ADGB: variants seen among roughly 807,000 people sequenced by gnomAD.
ADGB encodes calpain-7-like protein.
A neutral mutation model predicts 210.5 loss-of-function variants in ADGB; 172 were observed. The ratio of observed to expected loss-of-function variants is 0.82; its 90% CI spans 0.72 to 0.93. The LOEUF is 0.93. Ranked by LOEUF, ADGB falls within the 40% of genes least tolerant of loss-of-function variation. ADGB has a pLI of 0.00. For synonymous variants in ADGB, 658 were observed against 662.7 expected, an observed-to-expected ratio of 0.99 and a Z score of 0.11; for missense variants, 2,025 against 1,964.8, an observed-to-expected ratio of 1.03 and a Z score of -0.58.
intron 5 of ADGB, among the ~76,000 whole-genome samples, chr6:146,663,162 ATTTAT>A (rs1314958417): frequency 8.5e-4 from 120 of 141,768 alleles, no homozygotes; most frequent in Middle Eastern, 7.2e-3. Context: ...TATAATATAT[ATTTAT>A]TATATATTAT....
chr6:146,692,770 A>G, intron 11 of ADGB, 55 bp from the exon 12 acceptor site: 4 of 951,250 alleles, frequency 4.2e-6, no homozygotes, highest in Non-Finnish European at 6.3e-6. Context: ...TTCTGTATGC[A>G]ATCCTGAAAG....
intron 33 of ADGB, among the ~76,000 whole-genome samples, chr6:146,789,865 AC>A (rs1367143105): frequency 6.6e-6 from 1 of 152,180 alleles, no homozygotes; most frequent in Non-Finnish European, 1.5e-5. Context: ...TTTGGCTAGA[AC>A]CTGGACTTAC....
chr6:146,791,568 T>C (rs1034357369), intron 33 of ADGB, among the ~76,000 whole-genome samples: 1 of 152,086 alleles, frequency 6.6e-6, no homozygotes, highest in Admixed American at 6.6e-5. Flanking sequence ...GTCTCAAATT[T>C]ATGGGCTCAA....
intron 16 of ADGB, among the ~76,000 whole-genome samples, chr6:146,719,309 GGT>G (rs1776781462): frequency 6.6e-6 from 1 of 152,230 alleles, no homozygotes; most frequent in Middle Eastern, 3.4e-3. Flanking sequence ...AAGTGTATGT[GGT>G]AAACTGGTCA....
At chr6:146,719,600 C>T (rs1776786829) in intron 16 of ADGB, among the ~76,000 whole-genome samples, 1 of 152,204 alleles carries the variant, frequency 6.6e-6, no homozygotes, top group South Asian at 2.1e-4. Flanking sequence ...AGCCCGAGGC[C>T]TGTCCTCAGC....
intron 33 of ADGB, among the ~76,000 whole-genome samples, chr6:146,789,053 CCCTGA>C (rs1191417879): frequency 3.3e-5 from 5 of 152,166 alleles, no homozygotes; most frequent in African/African-American, 1.2e-4. Flanking sequence ...GCACAAGTCA[CCCTGA>C]CCTGATTCAT....
intron 7 of ADGB, among the ~76,000 whole-genome samples, chr6:146,670,347 G>A (rs539752088): frequency 6.6e-6 from 1 of 152,222 alleles, no homozygotes; most frequent in South Asian, 2.1e-4. Context: ...CCTCATCACT[G>A]ACCACATCAA....
At chr6:146,686,677 A>G (rs1415617443) in intron 10 of ADGB, among the ~76,000 whole-genome samples, 1 of 152,150 alleles carries the variant, frequency 6.6e-6, no homozygotes, top group African/African-American at 2.4e-5. Context: ...GAAGTCCATC[A>G]AGTTATTAAC....
intron 3 of ADGB, among the ~76,000 whole-genome samples, chr6:146,649,534 AGG>A (rs1256824884): frequency 6.6e-6 from 1 of 150,918 alleles, no homozygotes; most frequent in African/African-American, 2.4e-5. Flanking sequence ...ACTCTTGCCC[AGG>A]CTGGAGTTCA....
chr6:146,751,136 C>G (rs932540956), intron 26 of ADGB, among the ~76,000 whole-genome samples: 1 of 127,996 alleles, frequency 7.8e-6, no homozygotes, highest in African/African-American at 2.9e-5. Flanking sequence ...ACCCCCCACC[C>G]TCCCGCAACA....
chr6:146,623,743 A>G (rs1047526562), intron 1 of ADGB, among the ~76,000 whole-genome samples: 57 of 152,036 alleles, frequency 3.7e-4, no homozygotes, highest in African/African-American at 1.3e-3. Flanking sequence ...GTCATTTATC[A>G]GGTTAAAGGA....
At chr6:146,699,217 A>C (rs1399959182) in intron 12 of ADGB, among the ~76,000 whole-genome samples, 1 of 152,150 alleles carries the variant, frequency 6.6e-6, no homozygotes, top group East Asian at 1.9e-4. Flanking sequence ...GAGAAGACTC[A>C]AGATAGGCTG....
chr6:146,768,918 C>A, intron 28 of ADGB, 102 bp from the exon 29 acceptor site: 2 of 538,954 alleles, frequency 3.7e-6, no homozygotes, highest in Non-Finnish European at 6.5e-6. Flanking sequence ...ACTGTCTGAT[C>A]TGGAAAATTC....
intron 26 of ADGB, 76 bp downstream of exon 26, chr6:146,746,185 G>A (rs1777233622): frequency 2.4e-5 from 26 of 1,074,364 alleles, no homozygotes; most frequent in Non-Finnish European, 3.4e-5. Context: ...AAATTCTGCA[G>A]TAAAATCCTG....
rs1376496756 is a variant in ADGB at position 146,691,161 on chromosome 6, T to G, written c.1357T>G (p.Cys453Gly). 12 of 1,549,418 alleles carry G rather than the reference T, an allele frequency of 7.7e-6. No individual in the cohort carries two copies. The Admixed American group carries it at 2.4e-4, about 31-fold the overall frequency. The change falls in exon 11 of 36, where the codon TGT (cysteine) becomes GGT (glycine). Residue 453 changes from cysteine (C) to glycine (G), a missense_variant. Transcript: ENST00000397944. Reference sequence around the variant, plus strand: ...TAGAGAATATGGGCTTTCCCACATCTGTAGCCATCCTGTGCTGGTGACTAG... The same window carrying G: ...TAGAGAATATGGGCTTTCCCACATCGGTAGCCATCCTGTGCTGGTGACTAG... ...KLREYGLSHI[C>G]SHPVLVTRSR...
intron 1 of ADGB, among the ~76,000 whole-genome samples, chr6:146,615,265 C>G (rs537797745): frequency 3.3e-5 from 5 of 152,120 alleles, no homozygotes; most frequent in African/African-American, 1.2e-4. Context: ...TCACTCATCA[C>G]CAAGAGGATT....
chr6:146,801,171 T>C lies in ADGB; in HGVS notation c.4538-12T>C. ...GCCTAGGTTTTTTGTTGTGTGTGTG[T>C]TTTTTTTAAAGAAACAGGACCTCGT... On this transcript the variant is annotated splice_polypyrimidine_tract_variant and intron_variant, in intron 33 of 35. Transcript: ENST00000397944. The C allele has an allele frequency of 7.0e-7, 1 of 1,437,810 alleles. No homozygotes were observed. Among genetic ancestry groups the C allele is most frequent in the Non-Finnish European group, 9.2e-7 (1 of 1,082,778 alleles). The allele number at this position is 1,437,810 out of a possible 1,614,324, so 89.1% of individuals were successfully genotyped here.
intron 16 of ADGB, among the ~76,000 whole-genome samples, chr6:146,721,171 A>G (rs373472451): frequency 6.6e-6 from 1 of 152,166 alleles, no homozygotes; most frequent in Non-Finnish European, 1.5e-5. Context: ...TCTCTCTGAT[A>G]TGGTGGCTAG....
intron 14 of ADGB, among the ~76,000 whole-genome samples, chr6:146,715,694 A>G (rs1290171442): frequency 6.6e-6 from 1 of 152,162 alleles, no homozygotes; most frequent in Non-Finnish European, 1.5e-5. Context: ...ACCACTGCAA[A>G]TTCCTTAGTT....
Sources: gnomAD v4.1 joint callset for allele counts (sites outside exome capture counted in the v4.1 genomes callset) on GRCh38, gnomAD v4.1.1 for gene constraint, MANE v1.5 for transcripts, NCBI Gene and HGNC (gene_info 2026-07-23, HGNC 2026-07-21) for gene names.